Variants in KIAA0513 observed in about 807,000 individuals in gnomAD.
KIAA0513 encodes KIAA0513.
A neutral mutation model predicts 56.5 loss-of-function variants in KIAA0513; 39 were observed. The ratio of observed to expected loss-of-function variants is 0.69; its 90% CI spans 0.53 to 0.90. The LOEUF (loss-of-function observed/expected upper bound fraction) is 0.90, where lower values mean the gene tolerates loss of function less well. Ranked by LOEUF, KIAA0513 falls within the 40% of genes least tolerant of loss-of-function variation. KIAA0513 has a pLI of 0.00. For synonymous variants in KIAA0513, 268 were observed against 215.6 expected (o/e 1.24, Z -2.13); for missense variants, 591 against 535.2 (o/e 1.10, Z -1.03).
intron 1 of KIAA0513, among the ~76,000 whole-genome samples, chr16:85,050,605 C>A (rs189945660): frequency 6.6e-6 from 1 of 152,150 alleles, no homozygotes; most frequent in Non-Finnish European, 1.5e-5. Flanking sequence ...CGTGAGCCGC[C>A]GTGCCCAGCC....
intron 1 of KIAA0513, among the ~76,000 whole-genome samples, chr16:85,030,445 G>C (rs1341215576): frequency 6.6e-6 from 1 of 152,096 alleles, no homozygotes; most frequent in Non-Finnish European, 1.5e-5. Flanking sequence ...TGACACTTAA[G>C]AAAAATAAGC....
At chr16:85,060,580 TG>T (rs2073390009) in intron 1 of KIAA0513, among the ~76,000 whole-genome samples, 1 of 152,208 alleles carries the variant, frequency 6.6e-6, no homozygotes, top group South Asian at 2.1e-4. Flanking sequence ...GGCTCACGCC[TG>T]TAATCCCAGC....
rs1392175525 is a variant in KIAA0513, at chr16:85,093,442, G to T, written c.*5117G>T. On this transcript the variant is annotated 3_prime_UTR_variant, in exon 13 of 13. Transcript: ENST00000683363. ...GCAGACTCTGGGACCTGACAAAACAGTCAGAGCCTGAGTGCACTGCAGCCT... is the reference window on the plus strand; with the variant it reads ...GCAGACTCTGGGACCTGACAAAACATTCAGAGCCTGAGTGCACTGCAGCCT... 6.6e-6 allele frequency: 1 copy of T among 152,608 alleles called. No individual in the cohort carries two copies. Among genetic ancestry groups the T allele is most frequent in the Non-Finnish European group, 1.5e-5 (1 of 68,058 alleles). 9.5% of individuals were successfully genotyped at this position (152,608 alleles called of 1,614,324 possible). A position where few individuals can be genotyped will look rare whatever the true frequency, so the allele number is the denominator to read the frequency against.
Position 85,075,868 on chromosome 16 carries a change from G to A in KIAA0513, c.528G>A (p.Gly176=), listed in dbSNP as rs552735040. ...LFECHQMDDF[G]PAKNLMTMCF... ...GGTGTCATCAGATGGATGACTTTGG[G>A]CCTGCCAAGAACCTCATGACCATGT... Residue 176 remains glycine (G), a synonymous_variant, in exon 5 of 13, where the codon GGG becomes GGA. Transcript: ENST00000683363. 22 of 1,614,160 alleles carry A rather than the reference G, an allele frequency of 1.4e-5. No homozygotes were observed. In the African/African-American group the frequency reaches 2.1e-4, roughly 16 times the overall value.
chr16:85,033,773 T>C (rs1464439898), intron 1 of KIAA0513, among the ~76,000 whole-genome samples: 3 of 152,200 alleles, frequency 2.0e-5, no homozygotes, highest in Non-Finnish European at 4.4e-5. Flanking sequence ...GTCACCCAGA[T>C]ACTCAATATG....
At chr16:85,039,977 G>A (rs910030437) in intron 1 of KIAA0513, among the ~76,000 whole-genome samples, 8 of 151,666 alleles carry the variant, frequency 5.3e-5, no homozygotes, top group African/African-American at 1.9e-4. Flanking sequence ...TGGGATTACA[G>A]GCATGTGCCA....
chr16:85,046,425 C>G (rs2073172178), intron 1 of KIAA0513, among the ~76,000 whole-genome samples: 1 of 152,232 alleles, frequency 6.6e-6, no homozygotes, highest in African/African-American at 2.4e-5. Context: ...TCCCACATAA[C>G]CTGATGCTCA....
chr16:85,078,302 G>A (rs2073688695), intron 6 of KIAA0513, 113 bp from the exon 7 acceptor site: 1 of 1,106,864 alleles, frequency 9.0e-7, no homozygotes, highest in Non-Finnish European at 1.3e-6. Flanking sequence ...GCTTTTCAGA[G>A]CAAGCCGTAT....
intron 1 of KIAA0513, among the ~76,000 whole-genome samples, chr16:85,044,080 T>G (rs139320754): frequency 6.6e-6 from 1 of 152,348 alleles, no homozygotes; most frequent in African/African-American, 2.4e-5. Context: ...GCTTGTAGAC[T>G]GGCATGAACG....
chr16:85,077,032 C>G (rs573868715), intron 5 of KIAA0513, among the ~76,000 whole-genome samples: 49 of 152,150 alleles, frequency 3.2e-4, no homozygotes, highest in Admixed American at 7.8e-4. Flanking sequence ...AGGCCCCCCC[C>G]CAACCCGGTG....
chr16:85,040,920 T>C (rs999332683), intron 1 of KIAA0513, among the ~76,000 whole-genome samples: 2 of 152,202 alleles, frequency 1.3e-5, no homozygotes, highest in African/African-American at 4.8e-5. Flanking sequence ...CAGAAACCTC[T>C]TTCTTTTCGC....
At chr16:85,079,061 C>G in intron 8 of KIAA0513, 58 bp downstream of exon 8, 4 of 1,613,256 alleles carry the variant, frequency 2.5e-6, no homozygotes, top group Non-Finnish European at 3.4e-6. Flanking sequence ...AGCAGTCACT[C>G]CCCGGGATCA....
chr16:85,043,572 C>T (rs549710680), intron 1 of KIAA0513, among the ~76,000 whole-genome samples: 1 of 151,994 alleles, frequency 6.6e-6, no homozygotes, highest in South Asian at 2.1e-4. Context: ...CCACCACACC[C>T]GACTAATCTT....
chr16:85,078,524 C>A, intron 7 of KIAA0513, 69 bp downstream of exon 7: 1 of 1,493,092 alleles, frequency 6.7e-7, no homozygotes, highest in South Asian at 1.1e-5. Flanking sequence ...CAAGCAGGTG[C>A]ACGGCCTCTG....
At chr16:85,046,452 C>G (rs910146905) in intron 1 of KIAA0513, among the ~76,000 whole-genome samples, 2 of 152,228 alleles carry the variant, frequency 1.3e-5, no homozygotes, top group Admixed American at 6.5e-5. Context: ...TGCTGACAAG[C>G]GTCAGCCCAG....
At chr16:85,073,962 GTTTTGT>G (rs56301630) in intron 4 of KIAA0513, among the ~76,000 whole-genome samples, 94 of 150,682 alleles carry the variant, frequency 6.2e-4, no homozygotes, top group Middle Eastern at 3.4e-3. Flanking sequence ...TTTTTGTTTT[GTTTTGT>G]TTTTGTTTTT....
At chr16:85,059,714 G>C (rs1597615556) in intron 1 of KIAA0513, among the ~76,000 whole-genome samples, 1 of 152,276 alleles carries the variant, frequency 6.6e-6, no homozygotes, top group East Asian at 1.9e-4. Flanking sequence ...TGATAATAGG[G>C]TCATTGATTT....
At chr16:85,050,949 T>C (rs139979326) in intron 1 of KIAA0513, among the ~76,000 whole-genome samples, 1 of 152,070 alleles carries the variant, frequency 6.6e-6, no homozygotes, top group East Asian at 1.9e-4. Context: ...TGAGCCCAGG[T>C]ATTTGAGACC....
rs899675623 is a variant in KIAA0513, at chr16:85,088,604, A to G, written c.*279A>G. On this transcript the variant is annotated 3_prime_UTR_variant, in exon 13 of 13. Transcript: ENST00000683363. Reference sequence around the variant, plus strand: ...CCGAGTGCCAGGCTTGTGAGATGAGACCAAGAGGGAGGAGGGGAAGGACTC... The same window carrying G: ...CCGAGTGCCAGGCTTGTGAGATGAGGCCAAGAGGGAGGAGGGGAAGGACTC... The G allele has an allele frequency of 2.3e-6, 1 of 439,980 alleles. No individual in the cohort carries two copies. Among genetic ancestry groups the G allele is most frequent in the Non-Finnish European group, 4.1e-6 (1 of 242,376 alleles). 27.3% of individuals were successfully genotyped at this position (439,980 alleles called of 1,614,324 possible).
Sources: allele counts gnomAD v4.1 joint callset (sites outside exome capture counted in the v4.1 genomes callset), GRCh38; gene constraint gnomAD v4.1.1; transcripts MANE v1.5; gene names NCBI Gene and HGNC (gene_info 2026-07-23, HGNC 2026-07-21).